The following DPYD variants were observed in gnomAD, a reference collection of about 807,000 sequenced individuals.
The protein encoded by DPYD is dihydropyrimidine dehydrogenase [NADP(+)].
A neutral mutation model predicts 116.2 loss-of-function variants in DPYD; 109 were observed. The observed-to-expected ratio is 0.94, with a 90% CI of 0.80 to 1.10. The LOEUF is 1.10. Ranked by LOEUF, DPYD falls within the 50% of genes least tolerant of loss-of-function variation. DPYD has a pLI of 0.00. For missense variants in DPYD, 1,302 were observed against 1,254.5 expected (o/e 1.04, Z -0.57); for synonymous variants, 440 against 432.0 (o/e 1.02, Z -0.23).
intron 16 of DPYD, among the ~76,000 whole-genome samples, chr1:97,336,612 C>T (rs905030630): frequency 6.6e-6 from 1 of 151,976 alleles, no homozygotes; most frequent in African/African-American, 2.4e-5. Flanking sequence ...TAGCCTGGCA[C>T]GGTGGCGTGT....
chr1:97,552,215 A>G (rs919905237), intron 11 of DPYD, among the ~76,000 whole-genome samples: 3 of 152,114 alleles, frequency 2.0e-5, no homozygotes, highest in Non-Finnish European at 4.4e-5. Flanking sequence ...CTCAAATTGT[A>G]TACACTTCAG....
At chr1:97,548,907 T>C (rs1014287144) in intron 12 of DPYD, among the ~76,000 whole-genome samples, 2 of 152,162 alleles carry the variant, frequency 1.3e-5, no homozygotes, top group Non-Finnish European at 2.9e-5. Flanking sequence ...TGTAAGATTA[T>C]AATTAATGTA....
intron 13 of DPYD, among the ~76,000 whole-genome samples, chr1:97,461,999 AT>A (rs1218718764): frequency 3.3e-5 from 5 of 151,066 alleles, no homozygotes; most frequent in African/African-American, 7.3e-5. Flanking sequence ...TGTCCTCTCA[AT>A]TTTTTTTTTG....
At chr1:97,330,426 C>G (rs748307820) in intron 16 of DPYD, among the ~76,000 whole-genome samples, 1 of 152,118 alleles carries the variant, frequency 6.6e-6, no homozygotes, top group African/African-American at 2.4e-5. Context: ...TGTTATATAA[C>G]CAGTCTGTAA....
At chr1:97,910,837 G>C (rs376318893) in intron 1 of DPYD, among the ~76,000 whole-genome samples, 54 of 152,014 alleles carry the variant, frequency 3.6e-4, no homozygotes, top group African/African-American at 1.3e-3. Flanking sequence ...ATTTTGTTGT[G>C]ATCTCATGAT....
At chr1:97,661,937 T>C (rs1659282882) in intron 8 of DPYD, among the ~76,000 whole-genome samples, 1 of 151,786 alleles carries the variant, frequency 6.6e-6, no homozygotes, top group Non-Finnish European at 1.5e-5. Flanking sequence ...CAAGTTTTAT[T>C]TTAAAAAGTA....
intron 3 of DPYD, among the ~76,000 whole-genome samples, chr1:97,765,948 T>G (rs547579158): frequency 6.6e-6 from 1 of 152,066 alleles, no homozygotes; most frequent in Admixed American, 6.6e-5. Flanking sequence ...CAGCAGCAAA[T>G]GTAAAACTGT....
intron 15 of DPYD, among the ~76,000 whole-genome samples, chr1:97,376,949 C>T (rs184859759): frequency 1.7e-3 from 254 of 148,122 alleles, no homozygotes; most frequent in Non-Finnish European, 3.4e-3. Context: ...CACTTTTACT[C>T]CATCCTAGCT....
intron 19 of DPYD, among the ~76,000 whole-genome samples, chr1:97,196,639 T>C (rs1362725925): frequency 6.6e-6 from 1 of 152,162 alleles, no homozygotes; most frequent in Non-Finnish European, 1.5e-5. Flanking sequence ...TCTTCTTTAG[T>C]CCTCAAGATA....
chr1:97,607,440 A>T (rs1332693821), intron 8 of DPYD, among the ~76,000 whole-genome samples: 1 of 151,762 alleles, frequency 6.6e-6, no homozygotes, highest in African/African-American at 2.4e-5. Context: ...GGACATATTT[A>T]ATGGAGTGTG....
intron 19 of DPYD, among the ~76,000 whole-genome samples, chr1:97,212,080 C>T (rs1251373255): frequency 6.6e-6 from 1 of 151,878 alleles, no homozygotes; most frequent in Non-Finnish European, 1.5e-5. Context: ...GTATAATTTA[C>T]ATAGCATAAA....
chr1:97,298,612 G>A (rs1035011493), intron 18 of DPYD, among the ~76,000 whole-genome samples: 3 of 152,092 alleles, frequency 2.0e-5, no homozygotes, highest in African/African-American at 7.2e-5. Flanking sequence ...CTACGGAGAG[G>A]CAATGACATT....
intron 18 of DPYD, among the ~76,000 whole-genome samples, chr1:97,267,243 C>T (rs1362811079): frequency 6.6e-6 from 1 of 152,096 alleles, no homozygotes; most frequent in Non-Finnish European, 1.5e-5. Flanking sequence ...GAGATGGTAT[C>T]TCATTGTGGT....
intron 3 of DPYD, among the ~76,000 whole-genome samples, chr1:97,769,860 A>T (rs1230275069): frequency 1.3e-5 from 2 of 152,300 alleles, no homozygotes; most frequent in African/African-American, 4.8e-5. Flanking sequence ...TGGTGAGGAC[A>T]TGGGAACAAA....
intron 20 of DPYD, among the ~76,000 whole-genome samples, chr1:97,118,228 C>T (rs1320734242): frequency 1.3e-5 from 2 of 152,126 alleles, no homozygotes; most frequent in East Asian, 1.9e-4. Flanking sequence ...GAGGCCAGCA[C>T]ATCGTCTCCC....
intron 4 of DPYD, among the ~76,000 whole-genome samples, chr1:97,728,422 C>A (rs1429923081): frequency 1.3e-5 from 2 of 152,016 alleles, no homozygotes; most frequent in African/African-American, 2.4e-5. Context: ...CATTCCTCCA[C>A]AATTTAATGA....
At chr1:97,426,352 G>A (rs571953198) in intron 14 of DPYD, among the ~76,000 whole-genome samples, 8 of 152,138 alleles carry the variant, frequency 5.3e-5, no homozygotes, top group African/African-American at 1.2e-4. Context: ...AGGATGATAC[G>A]TGGTAGCAAA....
intron 3 of DPYD, among the ~76,000 whole-genome samples, chr1:97,771,614 T>C (rs1666146830): frequency 1.3e-5 from 2 of 152,234 alleles, no homozygotes; most frequent in South Asian, 2.1e-4. Flanking sequence ...TATGATACCA[T>C]ATTCCCTTAC....
intron 6 of DPYD, among the ~76,000 whole-genome samples, chr1:97,696,672 G>GA (rs1661325513): frequency 1.3e-5 from 2 of 151,902 alleles, no homozygotes; most frequent in African/African-American, 4.8e-5. Flanking sequence ...CAGACAACAT[G>GA]AAAAAAATCT....
Sources: allele counts gnomAD v4.1 joint callset (sites outside exome capture counted in the v4.1 genomes callset), GRCh38; gene constraint gnomAD v4.1.1; transcripts MANE v1.5; gene names NCBI Gene and HGNC (gene_info 2026-07-23, HGNC 2026-07-21).